The following AFAP1 variants were observed in gnomAD, a reference collection of about 807,000 sequenced individuals.
AFAP1 encodes actin filament associated protein 1, also known as actin filament-associated protein 1.
Under a neutral mutation model 93.9 loss-of-function variants are expected in AFAP1, and 75 were observed. That is an observed-to-expected ratio of 0.80 (90% CI 0.66 to 0.97). The LOEUF (loss-of-function observed/expected upper bound fraction) is 0.97, where lower values mean the gene tolerates loss of function less well. AFAP1 is among the 50% of genes least tolerant of loss of function. AFAP1 has a pLI of 0.00. For missense variants in AFAP1, 1,201 were observed against 1,050.8 expected, an observed-to-expected ratio of 1.14 and a Z score of -1.98; for synonymous variants, 517 against 430.7, an observed-to-expected ratio of 1.20 and a Z score of -2.48.
intron 3 of AFAP1, among the ~76,000 whole-genome samples, chr4:7,855,845 A>T (rs1376572113): frequency 6.6e-6 from 1 of 152,202 alleles, no homozygotes; most frequent in Non-Finnish European, 1.5e-5. Flanking sequence ...TCACTGGAGC[A>T]TCCACGACAC....
intron 9 of AFAP1, among the ~76,000 whole-genome samples, chr4:7,803,374 T>C (rs963220291): frequency 6.6e-6 from 1 of 152,212 alleles, no homozygotes; most frequent in African/African-American, 2.4e-5. Context: ...AGAATTGAAA[T>C]GCCAGTGACC....
rs565035052 is a variant in AFAP1 at position 7,912,214 on chromosome 4, G to A, written c.-3+27442C>T. On this transcript the variant is annotated intron_variant, in intron 1 of 17. Transcript: ENST00000420658. Reference sequence around the variant, plus strand: ...ACCATTCACCTGCTGAGTGGTGTCCGGGCTGTTTCCAGTTTCTGGCGTTTT... The same window carrying A: ...ACCATTCACCTGCTGAGTGGTGTCCAGGCTGTTTCCAGTTTCTGGCGTTTT... Among the ~76,000 whole-genome samples the A allele has an allele frequency of 3.5e-4, 53 of 152,324 alleles. No homozygotes were observed. The East Asian group carries it at 6.7e-3, about 19-fold the overall frequency.
At chr4:7,849,329 A>G (rs1477060029) in intron 4 of AFAP1, among the ~76,000 whole-genome samples, 2 of 152,130 alleles carry the variant, frequency 1.3e-5, no homozygotes, top group Non-Finnish European at 2.9e-5. Context: ...CACAAGGCTG[A>G]GCAAGCACAA....
intron 1 of AFAP1, among the ~76,000 whole-genome samples, chr4:7,896,252 G>T (rs545497407): frequency 1.3e-5 from 2 of 152,210 alleles, no homozygotes; most frequent in South Asian, 2.1e-4. Context: ...ATTAAAAGAG[G>T]TTTTTTACAT....
In AFAP1 at chr4:7,759,588, CT is replaced by C. The variant is rs1713493554; in HGVS notation, c.*4176del. On this transcript the variant is annotated 3_prime_UTR_variant, in exon 18 of 18. Transcript: ENST00000420658. ...AACCAGGAAAAAATGAATTATCCTC[CT>C]TCAAACTATGTCATGAACTTGAAGT... 6.5e-6 allele frequency: 1 copy of C among 152,694 alleles called. No homozygotes were observed. Among genetic ancestry groups the C allele is most frequent in the Non-Finnish European group, 1.5e-5 (1 of 68,048 alleles). The allele number at this position is 152,694 out of a possible 1,614,324, so 9.5% of individuals were successfully genotyped here. A position where few individuals can be genotyped will look rare whatever the true frequency, so the allele number is the denominator to read the frequency against.
chr4:7,933,143 G>T (rs192233031), intron 1 of AFAP1, among the ~76,000 whole-genome samples: 1 of 152,074 alleles, frequency 6.6e-6, no homozygotes, highest in East Asian at 1.9e-4. Context: ...TAAGTGGATT[G>T]GTAACCGCGG....
chr4:7,846,556 A>C (rs1713724252), intron 4 of AFAP1, among the ~76,000 whole-genome samples: 1 of 152,248 alleles, frequency 6.6e-6, no homozygotes, highest in African/African-American at 2.4e-5. Flanking sequence ...CACTTGCTGG[A>C]ACATCAAGTT....
intron 11 of AFAP1, among the ~76,000 whole-genome samples, chr4:7,789,807 C>T (rs1214182714): frequency 1.3e-5 from 2 of 152,270 alleles, no homozygotes; most frequent in Non-Finnish European, 2.9e-5. Flanking sequence ...CCGTTCTCTT[C>T]ATCCTCCCAA....
rs370164166 is a variant in AFAP1 at position 7,767,806 on chromosome 4, G to A, written c.2418+1038C>T. 3.3e-5 allele frequency among the ~76,000 whole-genome samples: 5 copies of A among 152,200 alleles called. No individual in the cohort carries two copies. In the South Asian group the frequency reaches 6.2e-4, roughly 19 times the overall value. On this transcript the variant is annotated intron_variant, in intron 17 of 17. Coordinates refer to ENST00000420658, the MANE Select transcript of AFAP1 (RefSeq NM_001134647.2). ...AGCTGCAAAGAATGCCAAGCTGGGC[G>A]CAGTGGCTCACGACTGTAATCCCAG...
chr4:7,817,385 G>A (rs184753749), intron 7 of AFAP1, among the ~76,000 whole-genome samples: 14 of 152,264 alleles, frequency 9.2e-5, no homozygotes, highest in African/African-American at 2.2e-4. Context: ...GATGTATCAC[G>A]AGGTCAGGAG....
chr4:7,831,232 T>C (rs188946817), intron 6 of AFAP1, among the ~76,000 whole-genome samples: 1 of 152,262 alleles, frequency 6.6e-6, no homozygotes, highest in Admixed American at 6.5e-5. Context: ...GTCATCTGAC[T>C]TTCCTTTCTA....
chr4:7,932,364 A>G (rs1230806372), intron 1 of AFAP1, among the ~76,000 whole-genome samples: 1 of 152,206 alleles, frequency 6.6e-6, no homozygotes, highest in Non-Finnish European at 1.5e-5. Flanking sequence ...AGGTACAAAC[A>G]TTGTTTATTG....
At chr4:7,824,010 G>A (rs1345020581) in intron 6 of AFAP1, among the ~76,000 whole-genome samples, 3 of 152,210 alleles carry the variant, frequency 2.0e-5, no homozygotes, top group East Asian at 1.9e-4. Context: ...TCAACCAGTC[G>A]GAGAGGTCAG....
In AFAP1 at chr4:7,793,671, TG is replaced by T. The variant is rs1249820839; in HGVS notation, c.1412+9del. On this transcript the variant is annotated intron_variant, in intron 11 of 17. Transcript: ENST00000420658. The stretch of plus-strand genomic sequence containing the variant: ...ACTGTGGTGCCATTTCACATGGCAG[TG>T]GGTCTTACCAGAAGGTCTGTTTGGC... The T allele has an allele frequency of 6.6e-7, 1 of 1,518,748 alleles. No homozygotes were observed. Among genetic ancestry groups the T allele is most frequent in the Non-Finnish European group, 9.0e-7 (1 of 1,116,060 alleles). The allele number at this position is 1,518,748 out of a possible 1,614,324, so 94.1% of individuals were successfully genotyped here.
chr4:7,905,520 A>T (rs189193194), intron 1 of AFAP1, among the ~76,000 whole-genome samples: 189 of 152,384 alleles, frequency 1.2e-3, no homozygotes, highest in Admixed American at 1.8e-3. Context: ...TCTGAGCTGA[A>T]ATTCAACTCC....
At chr4:7,876,986 T>C (rs796854691) in intron 1 of AFAP1, among the ~76,000 whole-genome samples, 2 of 152,308 alleles carry the variant, frequency 1.3e-5, no homozygotes, top group African/African-American at 4.8e-5. Context: ...TCCAGCCTTC[T>C]CTAATTAAAC....
At chr4:7,861,580 A>G (rs1367176880) in intron 3 of AFAP1, among the ~76,000 whole-genome samples, 1 of 152,222 alleles carries the variant, frequency 6.6e-6, no homozygotes, top group African/African-American at 2.4e-5. Context: ...CCTTTTACTT[A>G]TGCATGACAA....
At chr4:7,936,465 C>CA (rs1721387066) in intron 1 of AFAP1, among the ~76,000 whole-genome samples, 2 of 151,804 alleles carry the variant, frequency 1.3e-5, no homozygotes, top group African/African-American at 4.9e-5. Context: ...GCTGGCATTA[C>CA]AGGTGTAAAC....
chr4:7,815,330 C>A (rs959860258), intron 8 of AFAP1, among the ~76,000 whole-genome samples: 1 of 152,118 alleles, frequency 6.6e-6, no homozygotes, highest in Non-Finnish European at 1.5e-5. Flanking sequence ...AGACTGATGG[C>A]GGTGATGACA....
Sources: allele counts gnomAD v4.1 joint callset (sites outside exome capture counted in the v4.1 genomes callset), GRCh38; gene constraint gnomAD v4.1.1; transcripts MANE v1.5; gene names NCBI Gene and HGNC (gene_info 2026-07-23, HGNC 2026-07-21).